C8orf88: variants seen among roughly 807,000 people sequenced by gnomAD.
The protein encoded by C8orf88 is chromosome 8 open reading frame 88.
C8orf88 carries 14 observed loss-of-function variants against 18.4 expected under a neutral mutation model. That is an observed-to-expected ratio of 0.76 (90% CI 0.50 to 1.19). C8orf88 has a LOEUF of 1.19. Among genes scored for constraint, C8orf88 ranks in the 50% most tolerant of loss-of-function variants. The pLI is 0.00. For synonymous variants in C8orf88, 45 were observed against 42.9 expected (o/e 1.05, Z -0.19); for missense variants, 116 against 134.7 (o/e 0.86, Z 0.69).
At chr8:90,972,152 A>T (rs1811292782) in intron 3 of C8orf88, among the ~76,000 whole-genome samples, 1 of 152,042 alleles carries the variant, frequency 6.6e-6, no homozygotes, top group Non-Finnish European at 1.5e-5. Flanking sequence ...CCATTCCTTA[A>T]ATTTCTGTGA....
intron 4 of C8orf88, among the ~76,000 whole-genome samples, chr8:90,970,537 G>A (rs1409842597): frequency 2.0e-5 from 3 of 151,916 alleles, no homozygotes; most frequent in African/African-American, 7.2e-5. Flanking sequence ...TAACTGTATT[G>A]CTAAAGACTA....
intron 1 of C8orf88, among the ~76,000 whole-genome samples, chr8:90,981,997 A>G (rs148250624): frequency 2.6e-5 from 4 of 152,290 alleles, no homozygotes; most frequent in African/African-American, 9.6e-5. Flanking sequence ...TATTTTTTAA[A>G]TATCTTTGGA....
chr8:90,958,908 T>C lies in C8orf88; in HGVS notation c.*99A>G. On this transcript the variant is annotated 3_prime_UTR_variant, in exon 6 of 6. Transcript: ENST00000517562. ...GAAGTCAAATAGCCAACCATCAAAATTAAGAATAAATTGAATTGTCACAGT... is the reference window on the plus strand; with the variant it reads ...GAAGTCAAATAGCCAACCATCAAAACTAAGAATAAATTGAATTGTCACAGT... The C allele has an allele frequency of 1.0e-5, 7 of 687,228 alleles. No individual in the cohort carries two copies. Among genetic ancestry groups the C allele is most frequent in the Admixed American group, 3.9e-5 (1 of 25,894 alleles). The allele number at this position is 687,228 out of a possible 1,614,324, so 42.6% of individuals were successfully genotyped here.
chr8:90,975,849 C>T (rs1460036286), intron 3 of C8orf88, among the ~76,000 whole-genome samples: 1 of 150,846 alleles, frequency 6.6e-6, no homozygotes, highest in Non-Finnish European at 1.5e-5. Flanking sequence ...TTTATAATAT[C>T]TAAAAACTAG....
At chr8:90,984,899 C>T (rs555878766) in intron 1 of C8orf88, among the ~76,000 whole-genome samples, 1 of 152,298 alleles carries the variant, frequency 6.6e-6, no homozygotes, top group Non-Finnish European at 1.5e-5. Context: ...ACTTTCTTTC[C>T]CCTCATCCGA....
intron 1 of C8orf88, among the ~76,000 whole-genome samples, chr8:90,983,320 TTGC>T (rs1811460665): frequency 6.6e-6 from 1 of 152,142 alleles, no homozygotes. Flanking sequence ...TGAGAAATGG[TTGC>T]TGAATAGTTT....
chr8:90,980,312 A>G lies in C8orf88; in HGVS notation c.73+51T>C. The G allele has an allele frequency of 2.7e-6, 3 of 1,110,226 alleles. No homozygotes were observed. The South Asian group carries it at 5.6e-5, about 21-fold the overall frequency. The allele number at this position is 1,110,226 out of a possible 1,614,324, so 68.8% of individuals were successfully genotyped here. On this transcript the variant is annotated intron_variant, in intron 2 of 5. Transcript: ENST00000517562. ...ATATTATTTAGCTTTTCAAATACTA[A>G]TTAGTCATTAACACATTAATATTTA...
In C8orf88 at chr8:90,960,653, T is replaced by C. The variant is rs1011000301; in HGVS notation, c.330+89A>G. On this transcript the variant is annotated intron_variant, in intron 5 of 5. Coordinates refer to ENST00000517562, the MANE Select transcript of C8orf88 (RefSeq NM_001190972.2). ...ACTTATATCTTATAATAAGGAAGGT[T>C]AAAAATCTAGAGGTAGAGTCTGATG... 1.1e-5 allele frequency: 7 copies of C among 664,796 alleles called. 1 individual carries two copies. Among genetic ancestry groups the C allele is most frequent in the Admixed American group, 3.2e-5 (1 of 31,620 alleles). 41.2% of individuals were successfully genotyped at this position (664,796 alleles called of 1,614,324 possible).
chr8:90,978,791 T>C (rs1312186794), intron 2 of C8orf88, 139 bp from the exon 3 acceptor site: 1 of 499,634 alleles, frequency 2.0e-6, no homozygotes, highest in African/African-American at 1.9e-5. Flanking sequence ...TCAACATTCA[T>C]CCAACCTTAT....
chr8:90,980,173 T>G (rs1182293653), intron 2 of C8orf88, among the ~76,000 whole-genome samples, 190 bp downstream of exon 2: 1 of 152,186 alleles, frequency 6.6e-6, no homozygotes, highest in East Asian at 1.9e-4. Flanking sequence ...CTTCCTACTT[T>G]TGTTGGTCTG....
intron 3 of C8orf88, among the ~76,000 whole-genome samples, chr8:90,977,500 GAA>G (rs948376736): frequency 6.7e-6 from 1 of 149,584 alleles, no homozygotes; most frequent in African/African-American, 2.5e-5. Context: ...ACAGAAAATG[GAA>G]AAAAAAATGT....
intron 4 of C8orf88, among the ~76,000 whole-genome samples, chr8:90,963,255 A>G (rs143062219): frequency 9.9e-5 from 15 of 151,866 alleles, no homozygotes; most frequent in South Asian, 2.1e-4. Context: ...CATGCATGAC[A>G]AAGAATATAG....
At chr8:90,959,318 G>A (rs1390194100) in intron 5 of C8orf88, 5 of 182,530 alleles carry the variant, frequency 2.7e-5, no homozygotes, top group African/African-American at 1.2e-4. Flanking sequence ...CAAGTAAAAT[G>A]AATTCTAATG....
intron 3 of C8orf88, among the ~76,000 whole-genome samples, chr8:90,975,680 T>A (rs890464268): frequency 2.0e-5 from 3 of 152,084 alleles, no homozygotes; most frequent in Admixed American, 6.5e-5. Context: ...TGGAGCTCCC[T>A]CATATTACTG....
chr8:90,978,681 T>C lies in C8orf88; in HGVS notation c.74-29A>G, dbSNP rs1053757357. 6.4e-6 allele frequency: 8 copies of C among 1,258,244 alleles called. No individual in the cohort carries two copies. The Admixed American group carries it at 1.1e-4, about 18-fold the overall frequency. 77.9% of individuals were successfully genotyped at this position (1,258,244 alleles called of 1,614,324 possible). A position where few individuals can be genotyped will look rare whatever the true frequency, so the allele number is the denominator to read the frequency against. ...TTAGGAGAGGAAGAAAACAATTTCA[T>C]AGATCTATTATTTCAATAAATAATA... On this transcript the variant is annotated intron_variant, in intron 2 of 5. Transcript: ENST00000517562.
rs1292184880 is a variant in C8orf88 at position 90,972,059 on chromosome 8, A to AT, written c.148-919dup. ...AACCATCCCTGAATTAAGGTAAATC[A>AT]TGAAGGTAGGTTTCTTTGGAGACAT... On this transcript the variant is annotated intron_variant, in intron 3 of 5. Coordinates refer to ENST00000517562, the MANE Select transcript of C8orf88 (RefSeq NM_001190972.2). 1.6e-4 allele frequency among the ~76,000 whole-genome samples: 24 copies of AT among 152,178 alleles called. No individual in the cohort carries two copies. The East Asian group carries it at 4.2e-3, about 27-fold the overall frequency.
intron 5 of C8orf88, among the ~76,000 whole-genome samples, chr8:90,959,634 T>C (rs1421285624): frequency 6.6e-6 from 1 of 151,468 alleles, no homozygotes; most frequent in East Asian, 1.9e-4. Flanking sequence ...GTTTAAGAAA[T>C]ATTAATATAA....
intron 5 of C8orf88, 68 bp downstream of exon 5, chr8:90,960,673 CT>C: frequency 1.2e-6 from 1 of 840,720 alleles, no homozygotes; most frequent in South Asian, 1.9e-5. Context: ...GAGGTAGAGT[CT>C]GATGAAAATG....
Position 90,974,045 on chromosome 8 carries a change from T to C in C8orf88, c.148-2904A>G, listed in dbSNP as rs901634233. On this transcript the variant is annotated intron_variant, in intron 3 of 5. Transcript: ENST00000517562. ...ATTTTTTAAAAAATAAAAAAGCCTA[T>C]AGAAGAGAATGGGCAAAGGACAAGA... Among the ~76,000 whole-genome samples the C allele has an allele frequency of 5.3e-5, 8 of 152,168 alleles. No individual in the cohort carries two copies. The South Asian group carries it at 1.7e-3, about 32-fold the overall frequency.
Sources: allele counts gnomAD v4.1 joint callset (sites outside exome capture counted in the v4.1 genomes callset), GRCh38; gene constraint gnomAD v4.1.1; transcripts MANE v1.5; gene names NCBI Gene and HGNC (gene_info 2026-07-23, HGNC 2026-07-21).